Variants in ETV5 observed in about 807,000 individuals in gnomAD.
ETV5 encodes ETS variant transcription factor 5.
Under a neutral mutation model 70.0 loss-of-function variants are expected in ETV5, and 10 were observed. The observed-to-expected ratio is 0.14, with a 90% CI of 0.09 to 0.24. The LOEUF (loss-of-function observed/expected upper bound fraction) is 0.24, where lower values mean the gene tolerates loss of function less well. Among genes scored for constraint, ETV5 ranks in the 10% least tolerant of loss-of-function variants. ETV5 has a pLI of 1.00. For synonymous variants in ETV5, 216 were observed against 242.2 expected (o/e 0.89, Z 1.01); for missense variants, 453 against 651.2 (o/e 0.70, Z 3.31).
intron 5 of ETV5, chr3:186,084,032 G>A (rs1009271327): frequency 1.3e-4 from 30 of 234,194 alleles, no homozygotes; most frequent in Non-Finnish European, 2.2e-4. Context: ...AATGCTCCTT[G>A]CTTTCAGTCT....
At chr3:186,084,282 T>TAAAAAAAAAAAA (rs11327778) in intron 5 of ETV5, 14 of 217,768 alleles carry the variant, frequency 6.4e-5, no homozygotes, top group East Asian at 4.1e-4. Flanking sequence ...AAAGAAATGC[T>TAAAAAAAAAAAA]AAAAAAAAAA....
chr3:186,052,540 C>A lies in ETV5; in HGVS notation c.1210-409G>T, dbSNP rs1379108671. On this transcript the variant is annotated intron_variant, in intron 11 of 12. Transcript: ENST00000306376. The surrounding 1 kb of genome is among the most constrained non-coding windows in gnomAD (Gnocchi z 4.5). ...GGTCATTCCTGAAACATTAGAAACA[C>A]ACTAGTGAGTTGCTAATGGGCCAGC... 6.6e-6 allele frequency among the ~76,000 whole-genome samples: 1 copy of A among 152,126 alleles called. No individual in the cohort carries two copies. The highest frequency in any genetic ancestry group is 1.5e-5 in the Non-Finnish European group (1 of 68,008).
chr3:186,062,097 G>C (rs930267562), intron 9 of ETV5, among the ~76,000 whole-genome samples: 1 of 152,200 alleles, frequency 6.6e-6, no homozygotes, highest in African/African-American at 2.4e-5. Flanking sequence ...AGAATAACCT[G>C]GAAGTACCCA....
chr3:186,094,163 AG>A (rs1309123496), intron 5 of ETV5, among the ~76,000 whole-genome samples: 1 of 152,234 alleles, frequency 6.6e-6, no homozygotes, highest in Non-Finnish European at 1.5e-5. Flanking sequence ...CTAAAATACA[AG>A]GAAAGAAATT....
intron 5 of ETV5, among the ~76,000 whole-genome samples, chr3:186,090,272 G>C (rs1450295779): frequency 6.6e-6 from 1 of 152,160 alleles, no homozygotes; most frequent in African/African-American, 2.4e-5. Flanking sequence ...ATATATGCTG[G>C]TCATACCTAA....
intron 5 of ETV5, among the ~76,000 whole-genome samples, chr3:186,086,099 C>T (rs565294030): frequency 2.6e-5 from 4 of 152,298 alleles, no homozygotes; most frequent in South Asian, 2.1e-4. Context: ...GTCTGGACCC[C>T]TATTTGACTA....
chr3:186,048,734 T>C lies in ETV5; in HGVS notation c.1438A>G (p.Thr480Ala). The C allele has an allele frequency of 2.5e-6, 4 of 1,612,636 alleles. No individual in the cohort carries two copies. The highest frequency in any genetic ancestry group is 3.4e-6 in the Non-Finnish European group (4 of 1,179,732). ...TCTTCAAAGTGGGTCAGCGGCAGGG[T>C]GTCCTCCTCGCTGAGGTGGCACTCG... ...ESECHLSEED[T>A]LPLTHFEDSP... Residue 480 changes from threonine (T) to alanine (A), a missense_variant, in exon 13 of 13, where the codon ACC (threonine) becomes GCC (alanine). By Grantham distance (58) the Thr-to-Ala change is moderately conservative. Around this residue, in one of 4 missense-constraint regions of ETV5, gnomAD observed 74 missense variants for 95.2 expected, o/e 0.78. Transcript: ENST00000306376.
At position 186,047,925 on chromosome 3, in the gene ETV5, A is replaced by G; in HGVS notation, c.*714T>C. The G allele has an allele frequency of 4.3e-6, 1 of 233,628 alleles. No individual in the cohort carries two copies. Among genetic ancestry groups the G allele is most frequent in the Non-Finnish European group, 8.5e-6 (1 of 117,972 alleles). 14.5% of individuals were successfully genotyped at this position (233,628 alleles called of 1,614,324 possible). On this transcript the variant is annotated 3_prime_UTR_variant, in exon 13 of 13. Coordinates refer to ENST00000306376, the MANE Select transcript of ETV5 (RefSeq NM_004454.3). Reference sequence around the variant, plus strand: ...AAAACAAAATACTGTCAAAAGTGTTAATCGCCCTTCTCCTAAAATAAAAGT... The same window carrying G: ...AAAACAAAATACTGTCAAAAGTGTTGATCGCCCTTCTCCTAAAATAAAAGT...
chr3:186,084,069 G>A (rs1016029551), intron 5 of ETV5: 5 of 261,474 alleles, frequency 1.9e-5, no homozygotes, highest in Non-Finnish European at 3.8e-5. Context: ...AATGAGGTAT[G>A]TGATGCAGCC....
intron 9 of ETV5, among the ~76,000 whole-genome samples, chr3:186,063,575 A>T (rs954616645): frequency 5.3e-5 from 8 of 152,228 alleles, no homozygotes; most frequent in African/African-American, 1.7e-4. Context: ...CCTTGATATA[A>T]AACGATCATC....
At chr3:186,066,282 C>CAAAAAAAAAAAAAAAAAAAAAAAA (rs1356517173) in intron 7 of ETV5, among the ~76,000 whole-genome samples, 1 of 44,864 alleles carries the variant, frequency 2.2e-5, no homozygotes. Flanking sequence ...AAAAAAAAAT[C>CAAAAAAAAAAAAAAAAAAAAAAAA]AAAGCAATGA....
In ETV5 at chr3:186,105,977, G is replaced by T. The variant is rs533581502; in HGVS notation, c.-74-35C>A. The T allele has an allele frequency of 2.8e-6, 4 of 1,429,394 alleles. No homozygotes were observed. The East Asian group carries it at 7.4e-5, about 26-fold the overall frequency. 88.5% of individuals were successfully genotyped at this position (1,429,394 alleles called of 1,614,324 possible). ...GAATTTGGGAGATTTTAACTAAGAG[G>T]GGGGAAAAAAAGAAATGAAACAATT... is the stretch of plus-strand genomic sequence containing the variant. On this transcript the variant is annotated intron_variant, in intron 1 of 12. Transcript: ENST00000306376. The surrounding 1 kb of genome is among the most constrained non-coding windows in gnomAD (Gnocchi z 4.5).
chr3:186,086,434 A>C lies in ETV5; in HGVS notation c.233-5259T>G, dbSNP rs1023928456. On this transcript the variant is annotated intron_variant, in intron 5 of 12. Coordinates refer to ENST00000306376, the MANE Select transcript of ETV5 (RefSeq NM_004454.3). ...AAGAATAAACATAAGGCAAATTAGA[A>C]AGAAGGAAAGAAAGCTGTCATTATT... 7.2e-5 allele frequency among the ~76,000 whole-genome samples: 11 copies of C among 152,244 alleles called. 1 individual carries two copies. Among genetic ancestry groups the C allele is most frequent in the Admixed American group, 1.3e-4 (2 of 15,290 alleles).
chr3:186,059,274 A>T (rs1428711217), intron 9 of ETV5, among the ~76,000 whole-genome samples: 1 of 152,092 alleles, frequency 6.6e-6, no homozygotes, highest in Non-Finnish European at 1.5e-5. Context: ...AACGACATCA[A>T]AGTCTATTTT....
intron 5 of ETV5, among the ~76,000 whole-genome samples, chr3:186,092,183 C>A (rs533683460): frequency 6.6e-6 from 1 of 152,270 alleles, no homozygotes; most frequent in African/African-American, 2.4e-5. Flanking sequence ...ATTAAGGACA[C>A]TGGAAGATTA....
At position 186,105,030 on chromosome 3, in the gene ETV5, C is replaced by T; in HGVS notation, c.232+275G>A. 1 of 297,182 alleles carries T rather than the reference C, an allele frequency of 3.4e-6. No individual in the cohort carries two copies. The allele number at this position is 297,182 out of a possible 1,614,324, so 18.4% of individuals were successfully genotyped here. A position where few individuals can be genotyped will look rare whatever the true frequency, so the allele number is the denominator to read the frequency against. On this transcript the variant is annotated intron_variant, in intron 5 of 12. Transcript: ENST00000306376. This position sits in a 1 kb window ranked among gnomAD's most constrained non-coding sequence, Gnocchi z 4.5. ...GCCCTGGGATTATAGGTGTGAGCCA[C>T]TGTGCCCAGTCAGCTTTACAATATT...
Position 186,052,023 on chromosome 3 carries a change from G to C in ETV5, c.1311+7C>G, listed in dbSNP as rs767627233. 1.4e-5 allele frequency: 23 copies of C among 1,612,978 alleles called. No homozygotes were observed. In the East Asian group the frequency reaches 4.9e-4, roughly 34 times the overall value. On this transcript the variant is annotated splice_region_variant and intron_variant, in intron 12 of 12. Transcript: ENST00000306376. The surrounding 1 kb of genome is among the most constrained non-coding windows in gnomAD (Gnocchi z 4.5). ...GAGTGGGCTAAGGGTCTTGTATAAT[G>C]GCTCACCTTCTGCATGATGCCCTTT...
At chr3:186,101,373 G>A (rs1261519818) in intron 5 of ETV5, among the ~76,000 whole-genome samples, 1 of 152,154 alleles carries the variant, frequency 6.6e-6, no homozygotes, top group East Asian at 1.9e-4. Flanking sequence ...CTGTAACCTC[G>A]AACTCCTAGG....
chr3:186,081,595 A>G (rs1291892522), intron 5 of ETV5, among the ~76,000 whole-genome samples: 5 of 152,234 alleles, frequency 3.3e-5, no homozygotes, highest in Admixed American at 3.3e-4. Flanking sequence ...AGCTTATCAA[A>G]GGCTTAAAAT....
Sources: gnomAD v4.1 joint callset for allele counts (sites outside exome capture counted in the v4.1 genomes callset) on GRCh38, gnomAD v4.1.1 for gene constraint, gnomAD v4.1.1 regional missense constraint, Gnocchi (gnomAD v3.1) non-coding constraint, MANE v1.5 for transcripts, NCBI Gene and HGNC (gene_info 2026-07-23, HGNC 2026-07-21) for gene names.